The following FAT2 variants were observed in gnomAD, a reference collection of about 807,000 sequenced individuals.
FAT2 encodes protocadherin Fat 2.
A neutral mutation model predicts 295.3 loss-of-function variants in FAT2; 150 were observed. The observed-to-expected ratio is 0.51, with a 90% CI of 0.44 to 0.58. FAT2 has a LOEUF of 0.58. Among genes scored for constraint, FAT2 ranks in the 20% least tolerant of loss-of-function variants. FAT2 has a pLI of 0.00. For synonymous variants in FAT2, 2,026 were observed against 2,150.3 expected, an observed-to-expected ratio of 0.94 and a Z score of 1.60; for missense variants, 4,868 against 5,442.7, an observed-to-expected ratio of 0.89 and a Z score of 3.32.
At chr5:151,570,996 C>T (rs1004585707) in intron 1 of FAT2, among the ~76,000 whole-genome samples, 1 of 152,116 alleles carries the variant, frequency 6.6e-6, no homozygotes, top group Non-Finnish European at 1.5e-5. Flanking sequence ...TTCCCTACCA[C>T]CCGCCTCCCA....
Position 151,543,570 on chromosome 5 carries a change from A to G in FAT2, c.7557T>C (p.Thr2519=). 1 of 1,614,164 alleles carries G rather than the reference A, an allele frequency of 6.2e-7. No homozygotes were observed. Among genetic ancestry groups the G allele is most frequent in the Non-Finnish European group, 8.5e-7 (1 of 1,180,016 alleles). ...TCTCACTTGCTAGTTTATTGATGAT[A>G]GTATAATCTATAGTGCCATAGGGAC... ...DSGPYGTIDY[T]IINKLASEKF... is the part of the protein sequence containing the mutation. The change falls in exon 10 of 24, where the codon ACT becomes ACC. Residue 2519 remains threonine, a synonymous_variant. Transcript: ENST00000261800.
rs1418190551 is a variant in FAT2 at position 151,505,011 on chromosome 5, G to A, written c.*554C>T. The stretch of plus-strand genomic sequence containing the variant: ...GGAGCAGACACTTGACAAAGACACA[G>A]TGAGTGCTCGACTGAGGCAGGGGCA... On this transcript the variant is annotated 3_prime_UTR_variant, in exon 24 of 24. Coordinates refer to ENST00000261800, the MANE Select transcript of FAT2 (RefSeq NM_001447.3). 6.4e-6 allele frequency: 1 copy of A among 157,314 alleles called. No individual in the cohort carries two copies. Among genetic ancestry groups the A allele is most frequent in the Non-Finnish European group, 1.4e-5 (1 of 72,096 alleles). 9.7% of individuals were successfully genotyped at this position (157,314 alleles called of 1,614,324 possible). A position where few individuals can be genotyped will look rare whatever the true frequency, so the allele number is the denominator to read the frequency against.
Position 151,554,520 on chromosome 5 carries a change from C to T in FAT2, c.3787G>A (p.Val1263Met), listed in dbSNP as rs762176640. Residue 1263 changes from valine to methionine, a missense_variant, in exon 5 of 24, where the codon GTG (valine) becomes ATG (methionine). Around this residue, in one of 5 missense-constraint regions of FAT2, gnomAD observed 3,297 missense variants for 3,669.4 expected, o/e 0.90. Transcript: ENST00000261800. ...ERLSPVSPGP[V>M]YRLVASDLDE... ...AGGTCTGAAGCCACCAGCCTGTACA[C>T]AGGCCCAGGGGACACAGGGCTCAGC... is the stretch of plus-strand genomic sequence containing the variant. 1.9e-6 allele frequency: 3 copies of T among 1,614,244 alleles called. No homozygotes were observed. The highest frequency in any genetic ancestry group is 1.3e-5 in the African/African-American group (1 of 75,056).
intron 18 of FAT2, among the ~76,000 whole-genome samples, chr5:151,522,518 T>C (rs941281217): frequency 2.6e-5 from 4 of 152,196 alleles, no homozygotes; most frequent in Admixed American, 2.6e-4. Context: ...TGGGATTCCC[T>C]TTTGCTATGC....
chr5:151,520,578 T>A (rs1435913948), intron 19 of FAT2, among the ~76,000 whole-genome samples: 1 of 152,210 alleles, frequency 6.6e-6, no homozygotes, highest in Non-Finnish European at 1.5e-5. Context: ...GGGCTTATTG[T>A]GGGCCAGCCA....
rs1309257330 is a variant in FAT2, at chr5:151,542,464, G to T, written c.8663C>A (p.Ser2888Tyr). 6.2e-7 allele frequency: 1 copy of T among 1,614,212 alleles called. No individual in the cohort carries two copies. The highest frequency in any genetic ancestry group is 8.5e-7 in the Non-Finnish European group (1 of 1,180,038). The stretch of plus-strand genomic sequence containing the variant: ...AATGGAGACCTGAACCAGGGCCTGA[G>T]AGGATAGCTGGATGGTCTGTCCGTG... ...YDHGQTIQLS[S>Y]QALVQVSITD... Residue 2888 changes from serine (S) to tyrosine (Y), a missense_variant, in exon 10 of 24, where the codon TCT becomes TAT. By Grantham distance (144) the Ser-to-Tyr change is moderately radical (BLOSUM62 -2). Coordinates refer to ENST00000261800, the MANE Select transcript of FAT2 (RefSeq NM_001447.3).
chr5:151,557,604 G>A (rs1176910451), intron 3 of FAT2, among the ~76,000 whole-genome samples: 1 of 152,212 alleles, frequency 6.6e-6, no homozygotes, highest in Non-Finnish European at 1.5e-5. Flanking sequence ...GATAAGCAGA[G>A]GCAGCGCCTT....
chr5:151,521,802 G>A lies in FAT2; in HGVS notation c.10791C>T (p.His3597=). The change falls in exon 19 of 24, where the codon CAC becomes CAT. Residue 3597 remains histidine, a synonymous_variant. Coordinates refer to ENST00000261800, the MANE Select transcript of FAT2 (RefSeq NM_001447.3). ...IIAAQGLPRG[H]YSFNVTVSDG... ...CGCTGACCGTGACGTTGAACGAGTA[G>A]TGGCCACGAGGCAGGCCCTGGGCGG... The A allele has an allele frequency of 1.2e-6, 2 of 1,614,216 alleles. No homozygotes were observed. The highest frequency in any genetic ancestry group is 8.5e-7 in the Non-Finnish European group (1 of 1,180,046).
chr5:151,524,410 T>C (rs1328738235), intron 18 of FAT2, among the ~76,000 whole-genome samples: 1 of 149,880 alleles, frequency 6.7e-6, no homozygotes, highest in Non-Finnish European at 1.5e-5. Context: ...CCCTTGTGAA[T>C]GGGATTAGGG....
intron 11 of FAT2, among the ~76,000 whole-genome samples, chr5:151,539,103 T>A (rs537717502): frequency 6.6e-6 from 1 of 152,202 alleles, no homozygotes; most frequent in South Asian, 2.1e-4. Flanking sequence ...AGAAGTTGGT[T>A]GTAATGATGG....
At chr5:151,527,528 G>T in intron 16 of FAT2, 151 bp from the exon 17 acceptor site, 1 of 657,914 alleles carries the variant, frequency 1.5e-6, no homozygotes, top group African/African-American at 1.8e-5. Flanking sequence ...TTAGGGCTTA[G>T]GTTCTGGAGT....
At chr5:151,514,190 G>A (rs528055535) in intron 20 of FAT2, among the ~76,000 whole-genome samples, 1 of 152,262 alleles carries the variant, frequency 6.6e-6, no homozygotes, top group Non-Finnish European at 1.5e-5. Context: ...ACTATTATTA[G>A]GGTAAATAGA....
intron 9 of FAT2, among the ~76,000 whole-genome samples, chr5:151,548,519 C>T (rs1031767524): frequency 8.5e-5 from 13 of 152,058 alleles, no homozygotes; most frequent in Admixed American, 4.6e-4. Flanking sequence ...CTTGCTGTGT[C>T]GCCCAGGCTG....
chr5:151,529,069 T>C (rs951442769), intron 15 of FAT2, 109 bp downstream of exon 15: 2 of 904,918 alleles, frequency 2.2e-6, no homozygotes, highest in Non-Finnish European at 3.5e-6. Flanking sequence ...GTCTACAGTG[T>C]ATTAACTTAA....
At position 151,529,201 on chromosome 5, in the gene FAT2, G is replaced by C. The variant is rs1296830874; in HGVS notation, c.10003C>G (p.Leu3335Val). The C allele has an allele frequency of 6.2e-7, 1 of 1,614,108 alleles. No individual in the cohort carries two copies. The highest frequency in any genetic ancestry group is 1.7e-4 in the Middle Eastern group (1 of 6,054). ...PYSTRVLENA[L>V]VGDVILTVSA... The stretch of plus-strand genomic sequence containing the variant: ...ACCGTGAGGATGACGTCACCCACAA[G>C]GGCATTCTCTAAGACCCTTGTGCTA... The change falls in exon 15 of 24, where the codon CTT becomes GTT. Residue 3335 changes from leucine to valine, a missense_variant. Transcript: ENST00000261800.
At chr5:151,553,048 C>T (rs1348364702) in intron 6 of FAT2, 129 bp downstream of exon 6, 7 of 838,156 alleles carry the variant, frequency 8.4e-6, no homozygotes, top group African/African-American at 5.0e-5. Context: ...GTCCCCACTC[C>T]GGGCTGAAAG....
At chr5:151,523,218 A>T (rs1421957562) in intron 18 of FAT2, among the ~76,000 whole-genome samples, 2 of 152,202 alleles carry the variant, frequency 1.3e-5, no homozygotes, top group African/African-American at 4.8e-5. Context: ...ATAATAATTA[A>T]CACTACTGTT....
At position 151,527,898 on chromosome 5, in the gene FAT2, C is replaced by A. The variant is rs560620241; in HGVS notation, c.10164+98G>T. The A allele has an allele frequency of 5.3e-5, 79 of 1,483,768 alleles. 1 individual carries two copies. Among genetic ancestry groups the A allele is most frequent in the Admixed American group, 3.3e-4 (17 of 51,312 alleles). The allele number at this position is 1,483,768 out of a possible 1,614,324, so 91.9% of individuals were successfully genotyped here. ...ATTCTGGGAAGGTCTGAGGAAGTTTCAGGATGGGGTCTTGACAGCGATTCA... is the reference window on the plus strand; with the variant it reads ...ATTCTGGGAAGGTCTGAGGAAGTTTAAGGATGGGGTCTTGACAGCGATTCA... On this transcript the variant is annotated intron_variant, in intron 16 of 23. Coordinates refer to ENST00000261800, the MANE Select transcript of FAT2 (RefSeq NM_001447.3).
At chr5:151,548,654 T>C (rs1322235476) in intron 9 of FAT2, among the ~76,000 whole-genome samples, 1 of 152,190 alleles carries the variant, frequency 6.6e-6, no homozygotes, top group African/African-American at 2.4e-5. Context: ...CTAATTTTTG[T>C]ATTTTTAGTA....
Sources: allele counts gnomAD v4.1 joint callset (sites outside exome capture counted in the v4.1 genomes callset), GRCh38; gene constraint gnomAD v4.1.1; regional missense constraint gnomAD v4.1.1; transcripts MANE v1.5; gene names NCBI Gene and HGNC (gene_info 2026-07-23, HGNC 2026-07-21).